The following NALCN variants were observed in gnomAD, a reference collection of about 807,000 sequenced individuals.
NALCN encodes the protein sodium leak channel, non-selective, also known as sodium leak channel NALCN.
A neutral mutation model predicts 225.3 loss-of-function variants in NALCN; 111 were observed. That is an observed-to-expected ratio of 0.49 (90% CI 0.42 to 0.58). The LOEUF (loss-of-function observed/expected upper bound fraction) is 0.58, where lower values mean the gene tolerates loss of function less well. Ranked by LOEUF, NALCN falls within the 20% of genes least tolerant of loss-of-function variation. The pLI is 0.00. For missense variants in NALCN, 1,378 were observed against 2,202.4 expected, an observed-to-expected ratio of 0.63 and a Z score of 7.49; for synonymous variants, 764 against 769.0, an observed-to-expected ratio of 0.99 and a Z score of 0.11.
At chr13:101,115,429 T>C (rs995407907) in intron 18 of NALCN, among the ~76,000 whole-genome samples, 5 of 152,150 alleles carry the variant, frequency 3.3e-5, no homozygotes, top group Non-Finnish European at 5.9e-5. Flanking sequence ...GCTGGGAACA[T>C]AGTCTCCATA....
At chr13:101,264,409 A>C (rs973316913) in intron 10 of NALCN, among the ~76,000 whole-genome samples, 1 of 151,994 alleles carries the variant, frequency 6.6e-6, no homozygotes, top group African/African-American at 2.4e-5. Context: ...TGACAGCTGG[A>C]ATTTTCAAAA....
chr13:101,290,287 T>C (rs780668496), intron 9 of NALCN, among the ~76,000 whole-genome samples: 17 of 152,196 alleles, frequency 1.1e-4, no homozygotes, highest in Non-Finnish European at 8.8e-5. Context: ...AAACATACTA[T>C]GGTTTTAAAG....
intron 1 of NALCN, among the ~76,000 whole-genome samples, chr13:101,415,208 C>CACATATATATAT (rs1555349509): frequency 9.3e-6 from 1 of 107,826 alleles, no homozygotes; most frequent in South Asian, 2.7e-4. Flanking sequence ...AAATCACACA[C>CACATATATATAT]ATATATATAT....
intron 18 of NALCN, among the ~76,000 whole-genome samples, 164 bp from the exon 19 acceptor site, chr13:101,111,390 C>T (rs753907279): frequency 8.5e-5 from 13 of 152,302 alleles, no homozygotes; most frequent in South Asian, 2.1e-4. Flanking sequence ...TTACGCTCTG[C>T]GTCAAGAACA....
At chr13:101,114,189 G>C (rs2035584689) in intron 18 of NALCN, among the ~76,000 whole-genome samples, 2 of 152,166 alleles carry the variant, frequency 1.3e-5, no homozygotes, top group South Asian at 4.1e-4. Flanking sequence ...TAAGCTGTGG[G>C]ACCTTAGACA....
chr13:101,287,194 T>C (rs1044017566), intron 9 of NALCN, among the ~76,000 whole-genome samples: 1 of 152,264 alleles, frequency 6.6e-6, no homozygotes, highest in Non-Finnish European at 1.5e-5. Context: ...TACTTTTGGA[T>C]ACATATTGCC....
At chr13:101,123,008 ATGAG>A (rs941536040) in intron 18 of NALCN, among the ~76,000 whole-genome samples, 16 of 152,274 alleles carry the variant, frequency 1.1e-4, no homozygotes, top group African/African-American at 3.6e-4. Flanking sequence ...TAGTTTCCGG[ATGAG>A]TGAGAGTTTC....
chr13:101,289,904 A>G (rs552431269), intron 9 of NALCN, among the ~76,000 whole-genome samples: 1 of 152,200 alleles, frequency 6.6e-6, no homozygotes, highest in African/African-American at 2.4e-5. Flanking sequence ...CAGAGGGCCC[A>G]CTCGCAAGTG....
intron 11 of NALCN, among the ~76,000 whole-genome samples, chr13:101,244,715 G>T (rs578117477): frequency 6.6e-6 from 1 of 152,284 alleles, no homozygotes; most frequent in Non-Finnish European, 1.5e-5. Context: ...TTTAAAGAAG[G>T]TGATTAGGAA....
chr13:101,104,225 T>C lies in NALCN; in HGVS notation c.2889+70A>G. ...CTCTGTAACTCATACCTCTTGCGCT[T>C]ATACCAAGAAATGCAGGAGATTTTA... On this transcript the variant is annotated intron_variant, in intron 25 of 43. Coordinates refer to ENST00000251127, the MANE Select transcript of NALCN (RefSeq NM_052867.4). This position sits in a 1 kb window ranked among gnomAD's most constrained non-coding sequence, Gnocchi z 4.2. 6.5e-7 allele frequency: 1 copy of C among 1,533,930 alleles called. No individual in the cohort carries two copies. Among genetic ancestry groups the C allele is most frequent in the Non-Finnish European group, 8.7e-7 (1 of 1,143,542 alleles).
intron 20 of NALCN, among the ~76,000 whole-genome samples, 186 bp downstream of exon 20, chr13:101,110,433 C>G (rs2035366229): frequency 6.6e-6 from 1 of 152,166 alleles, no homozygotes; most frequent in African/African-American, 2.4e-5. Context: ...GAGTTTTCTG[C>G]TGTTAACAGT....
intron 42 of NALCN, chr13:101,058,918 A>C (rs1338858240): frequency 6.6e-6 from 1 of 152,320 alleles, no homozygotes; most frequent in Non-Finnish European, 1.5e-5. Flanking sequence ...GATGATTTCT[A>C]AAGGCTGGGG....
intron 14 of NALCN, chr13:101,180,372 CTT>C (rs35502882): frequency 3.9e-5 from 5 of 128,224 alleles, no homozygotes; most frequent in Admixed American, 7.4e-5. Flanking sequence ...TGCCTGGCTA[CTT>C]TTTTTTTTTT....
intron 10 of NALCN, among the ~76,000 whole-genome samples, chr13:101,269,740 G>A (rs1228389428): frequency 2.0e-5 from 3 of 152,118 alleles, no homozygotes; most frequent in Non-Finnish European, 2.9e-5. Flanking sequence ...AACAAAGGAG[G>A]CCTCACTATA....
intron 15 of NALCN, among the ~76,000 whole-genome samples, chr13:101,148,742 G>A (rs2037482535): frequency 6.6e-6 from 1 of 152,186 alleles, no homozygotes; most frequent in Non-Finnish European, 1.5e-5. Flanking sequence ...TAATGGTATT[G>A]ATCAGGTGGC....
chr13:101,072,462 G>A (rs2032961988), intron 37 of NALCN, among the ~76,000 whole-genome samples: 1 of 152,182 alleles, frequency 6.6e-6, no homozygotes, highest in African/African-American at 2.4e-5. Context: ...TCTATAAAAT[G>A]CCGACACCTC....
At chr13:101,226,986 G>C (rs73560735) in intron 13 of NALCN, among the ~76,000 whole-genome samples, 6,454 of 152,202 alleles carry the variant, frequency 0.042, 438 homozygotes, top group African/African-American at 0.15. Flanking sequence ...GCAAGGAAAA[G>C]AGCCCTCCCT....
At chr13:101,229,296 T>C (rs892203239) in intron 13 of NALCN, 97 bp downstream of exon 13, 22 of 1,129,020 alleles carry the variant, frequency 1.9e-5, no homozygotes, top group East Asian at 2.6e-5. Flanking sequence ...AATAGGATAA[T>C]ACTTCTGAAT....
At chr13:101,171,010 AT>A (rs1315919618) in intron 15 of NALCN, among the ~76,000 whole-genome samples, 1 of 152,110 alleles carries the variant, frequency 6.6e-6, no homozygotes, top group Non-Finnish European at 1.5e-5. Flanking sequence ...CCCCAGTGTC[AT>A]TCCTGCATCA....
Sources: allele counts gnomAD v4.1 joint callset (sites outside exome capture counted in the v4.1 genomes callset), GRCh38; gene constraint gnomAD v4.1.1; non-coding constraint Gnocchi (gnomAD v3.1); transcripts MANE v1.5; gene names NCBI Gene and HGNC (gene_info 2026-07-23, HGNC 2026-07-21).